Variants in RTL1 observed in about 807,000 individuals in gnomAD.
RTL1 encodes retrotransposon-like protein 1.
For synonymous variants in RTL1, 727 were observed against 748.4 expected (o/e 0.97, Z 0.47); for missense variants, 1,681 against 1,767.5 (o/e 0.95, Z 0.88).
chr14:100,895,988 G>T (rs2140053790), intron 2 of RTL1, among the ~76,000 whole-genome samples: 1 of 151,614 alleles, frequency 6.6e-6, no homozygotes, highest in South Asian at 2.1e-4. Context: ...CATGAGAATT[G>T]CTCGAACCTG....
chr14:100,884,492 C>T lies in RTL1; in HGVS notation c.297G>A (p.Leu99=), dbSNP rs757893801. 2.5e-6 allele frequency: 4 copies of T among 1,614,226 alleles called. No individual in the cohort carries two copies. The South Asian group carries it at 4.4e-5, about 18-fold the overall frequency. ...GGTGTGAACCGTTGCATGACTCCTC[C>T]AGGTCTTGGAGTAGGTCATTGGGTG... ...EDPPNDLLQD[L]EESCNGSHQA... is the part of the protein sequence containing the mutation. Residue 99 remains leucine, a synonymous_variant, in exon 4 of 4, where the codon CTG becomes CTA. Coordinates refer to ENST00000649591, the MANE Select transcript of RTL1 (RefSeq NM_001134888.3).
At position 100,881,338 on chromosome 14, in the gene RTL1, C is replaced by T. The variant is rs540792245; in HGVS notation, c.3451G>A (p.Ala1151Thr). 509 of 1,550,556 alleles carry T rather than the reference C, an allele frequency of 3.3e-4. 10 individuals carry two copies. The South Asian group carries it at 5.8e-3, about 18-fold the overall frequency. ...AITQLLTQMP[A>T]LVGANTIPAQ... ...GGGATGGTGTTTGCACCTACGAGAG[C>T]GGGCATCTGGGTGAGCAGCTGGGTG... is the stretch of plus-strand genomic sequence containing the variant. Residue 1151 changes from alanine to threonine, a missense_variant, in exon 4 of 4, where the codon GCT becomes ACT. Coordinates refer to ENST00000649591, the MANE Select transcript of RTL1 (RefSeq NM_001134888.3). The surrounding 1 kb of genome is among the most constrained non-coding windows in gnomAD (Gnocchi z 6.6).
At chr14:100,902,853 G>A (rs772841878) in intron 2 of RTL1, among the ~76,000 whole-genome samples, 5 of 152,300 alleles carry the variant, frequency 3.3e-5, no homozygotes, top group African/African-American at 4.8e-5. Context: ...TGGAGTAGAC[G>A]GTGGGACCCA....
In RTL1 at chr14:100,903,275, AC is replaced by A. The variant is rs2038967599; in HGVS notation, c.-149+15del. Among the ~76,000 whole-genome samples, 1 of 152,118 alleles carries A rather than the reference AC, an allele frequency of 6.6e-6. No individual in the cohort carries two copies. The highest frequency in any genetic ancestry group is 2.4e-5 in the African/African-American group (1 of 41,420). ...CATCCATGCACTCATTCTCCAAGCCACCACAGTGTACCTACCTTCCCCGGGC... is the reference window on the plus strand; with the variant it reads ...CATCCATGCACTCATTCTCCAAGCCACACAGTGTACCTACCTTCCCCGGGC... On this transcript the variant is annotated intron_variant, in intron 2 of 3. Coordinates refer to ENST00000649591, the MANE Select transcript of RTL1 (RefSeq NM_001134888.3).
intron 3 of RTL1, among the ~76,000 whole-genome samples, chr14:100,889,937 T>A (rs1186190758): frequency 1.3e-5 from 2 of 152,214 alleles, no homozygotes; most frequent in Non-Finnish European, 2.9e-5. Flanking sequence ...TGCCATAGCC[T>A]GGGCCCTGCC....
chr14:100,892,227 G>A (rs1380163524), intron 3 of RTL1, among the ~76,000 whole-genome samples: 2 of 152,148 alleles, frequency 1.3e-5, no homozygotes, highest in African/African-American at 2.4e-5. Context: ...GTGGCTGCAG[G>A]CCTAGGAGTG....
Position 100,884,382 on chromosome 14 carries a change from T to C in RTL1, c.407A>G (p.Glu136Gly). 1 of 1,582,176 alleles carries C rather than the reference T, an allele frequency of 6.3e-7. No individual in the cohort carries two copies. The highest frequency in any genetic ancestry group is 1.8e-5 in the Admixed American group (1 of 55,146). Reference protein sequence around the residue: ...VNPSGAREEQEAHTDLKESGR... With the variant: ...VNPSGAREEQGAHTDLKESGR... The stretch of plus-strand genomic sequence containing the variant: ...CGATTCCTTCAGGTCAGTGTGAGCC[T>C]CTTGTTCTTCTCGGGCTCCCGATGG... Residue 136 changes from glutamate (E) to glycine (G), a missense_variant, in exon 4 of 4, where the codon GAG becomes GGG. Coordinates refer to ENST00000649591, the MANE Select transcript of RTL1 (RefSeq NM_001134888.3).
rs549386018 is a variant in RTL1, at chr14:100,899,991, C to T, written c.-149+3300G>A. On this transcript the variant is annotated intron_variant, in intron 2 of 3. Transcript: ENST00000649591. ...TGATGCTCGCCTCCCTCCCAGACATCTTCCCAGGGAAAAGTGTGCTTTCTT... is the reference window on the plus strand; with the variant it reads ...TGATGCTCGCCTCCCTCCCAGACATTTTCCCAGGGAAAAGTGTGCTTTCTT... 2.4e-4 allele frequency among the ~76,000 whole-genome samples: 37 copies of T among 152,356 alleles called. 2 individuals are homozygous for T. The South Asian group carries it at 7.0e-3, about 29-fold the overall frequency.
intron 3 of RTL1, among the ~76,000 whole-genome samples, chr14:100,885,805 G>A (rs1158833337): frequency 2.0e-5 from 3 of 152,104 alleles, no homozygotes; most frequent in South Asian, 2.1e-4. Flanking sequence ...ATATCTGCAC[G>A]CCTCTCCAAT....
In RTL1 at chr14:100,883,856, C is replaced by T. The variant is rs1261011815; in HGVS notation, c.933G>A (p.Leu311=). ...CATCTGGCCAGCCCAAGATGGGTAC[C>T]AGGCTCTGGAACTCATCGATGTACT... is the stretch of plus-strand genomic sequence containing the variant. ...ATEYIDEFQS[L]VPILGWPDEV... The change falls in exon 4 of 4, where the codon CTG becomes CTA. Residue 311 remains leucine (L), a synonymous_variant. Coordinates refer to ENST00000649591, the MANE Select transcript of RTL1 (RefSeq NM_001134888.3). This position sits in a 1 kb window ranked among gnomAD's most constrained non-coding sequence, Gnocchi z 5.9. The T allele has an allele frequency of 6.4e-7, 1 of 1,551,656 alleles. No individual in the cohort carries two copies. The highest frequency in any genetic ancestry group is 8.7e-7 in the Non-Finnish European group (1 of 1,146,992).
At position 100,881,638 on chromosome 14, in the gene RTL1, G is replaced by C; in HGVS notation, c.3151C>G (p.Leu1051Val). 6.4e-7 allele frequency: 1 copy of C among 1,551,956 alleles called. No individual in the cohort carries two copies. The highest frequency in any genetic ancestry group is 8.7e-7 in the Non-Finnish European group (1 of 1,147,096). Residue 1051 changes from leucine to valine, a missense_variant, in exon 4 of 4, where the codon CTG (leucine) becomes GTG (valine). Leu to Val is a conservative substitution (Grantham distance 32). Coordinates refer to ENST00000649591, the MANE Select transcript of RTL1 (RefSeq NM_001134888.3). This position sits in a 1 kb window ranked among gnomAD's most constrained non-coding sequence, Gnocchi z 6.6. ...LNEQILRQEL[L>V]AMIPIDQILN... ...ATCTGGTCGATGGGTATCATGGCCA[G>C]CAGCTCTTGCCGTAGGATCTGTTCA...
chr14:100,895,589 G>C (rs2038844786), intron 2 of RTL1, among the ~76,000 whole-genome samples: 1 of 152,146 alleles, frequency 6.6e-6, no homozygotes, highest in Admixed American at 6.5e-5. Flanking sequence ...GCAGGGTCGG[G>C]GTGGAGGGGA....
rs914457644 is a variant in RTL1, at chr14:100,880,268, G to T, written c.*444C>A. Among the ~76,000 whole-genome samples the T allele has an allele frequency of 2.0e-5, 3 of 151,868 alleles. No individual in the cohort carries two copies. The highest frequency in any genetic ancestry group is 4.4e-5 in the Non-Finnish European group (3 of 67,934). On this transcript the variant is annotated 3_prime_UTR_variant, in exon 4 of 4. Coordinates refer to ENST00000649591, the MANE Select transcript of RTL1 (RefSeq NM_001134888.3). ...AGCAGGAGCACCGGCAGTGGAGGTA[G>T]AAGAAGTCAGTGGAGCACCCGAGGT...
chr14:100,901,628 C>T (rs1186569959), intron 2 of RTL1, among the ~76,000 whole-genome samples: 2 of 152,228 alleles, frequency 1.3e-5, no homozygotes, highest in Admixed American at 1.3e-4. Flanking sequence ...CTCAACCTGC[C>T]AGACCTCCTC....
chr14:100,897,958 A>G (rs772671434), intron 2 of RTL1: 15 of 517,188 alleles, frequency 2.9e-5, no homozygotes, highest in Non-Finnish European at 5.4e-5. Context: ...ACAAAAGATC[A>G]TGATTAATCC....
Position 100,883,584 on chromosome 14 carries a change from G to T in RTL1, c.1205C>A (p.Pro402Gln). 1 of 1,551,442 alleles carries T rather than the reference G, an allele frequency of 6.4e-7. No homozygotes were observed. Among genetic ancestry groups the T allele is most frequent in the Admixed American group, 2.0e-5 (1 of 50,998 alleles). ...GAAGAGGTGGGCGCGATTGATGTCC[G>T]GATGGACTTCGCTGGGCAACCAGCT... The part of the protein sequence containing the change: ...VSSWLPSEVH[P>Q]DINRAHLFLL... Residue 402 changes from proline (P) to glutamine (Q), a missense_variant, in exon 4 of 4, where the codon CCG becomes CAG. Pro to Gln is a moderately conservative substitution (Grantham distance 76, BLOSUM62 -1). Coordinates refer to ENST00000649591, the MANE Select transcript of RTL1 (RefSeq NM_001134888.3). The surrounding 1 kb of genome is among the most constrained non-coding windows in gnomAD (Gnocchi z 5.9).
chr14:100,892,026 G>A (rs536295385), intron 3 of RTL1, among the ~76,000 whole-genome samples: 1 of 152,302 alleles, frequency 6.6e-6, no homozygotes, highest in African/African-American at 2.4e-5. Context: ...CTATAAATTG[G>A]GGTCGTCGTA....
Position 100,901,748 on chromosome 14 carries a change from CAA to C in RTL1, c.-149+1541_-149+1542del, listed in dbSNP as rs200443216. ...TGGCCACTCTAGGTGTTCTGGCCCTCAAGAGGGGAGTTGGCAGCAGGACAGTC... is the reference window on the plus strand; with the variant it reads ...TGGCCACTCTAGGTGTTCTGGCCCTCGAGGGGAGTTGGCAGCAGGACAGTC... On this transcript the variant is annotated intron_variant, in intron 2 of 3. Transcript: ENST00000649591. Among the ~76,000 whole-genome samples the C allele has an allele frequency of 9.6e-3, 1,456 of 152,300 alleles. 30 individuals carry two copies. Among genetic ancestry groups the C allele is most frequent in the African/African-American group, 0.033 (1,354 of 41,556 alleles).
At chr14:100,894,452 C>T (rs982042565) in intron 2 of RTL1, among the ~76,000 whole-genome samples, 32 of 152,242 alleles carry the variant, frequency 2.1e-4, no homozygotes, top group Non-Finnish European at 4.4e-5. Flanking sequence ...CACCTGCATG[C>T]GCCATTCAAG....
Sources: allele counts gnomAD v4.1 joint callset (sites outside exome capture counted in the v4.1 genomes callset), GRCh38; gene constraint gnomAD v4.1.1; non-coding constraint Gnocchi (gnomAD v3.1); transcripts MANE v1.5; gene names NCBI Gene and HGNC (gene_info 2026-07-23, HGNC 2026-07-21).